Variants in ACSBG2 observed in about 807,000 individuals in gnomAD.
ACSBG2 encodes long-chain-fatty-acid--CoA ligase ACSBG2.
Under a neutral mutation model 74.7 loss-of-function variants are expected in ACSBG2, and 62 were observed. The observed-to-expected ratio is 0.83, with a 90% CI of 0.68 to 1.03. The LOEUF is 1.03. Ranked by LOEUF, ACSBG2 falls within the 50% of genes least tolerant of loss-of-function variation. The probability of loss-of-function intolerance (pLI) is 0.00; values close to 1 mark genes in which losing one functional copy is unlikely to be tolerated. For synonymous variants in ACSBG2, 309 were observed against 294.1 expected, an observed-to-expected ratio of 1.05 and a Z score of -0.52; for missense variants, 730 against 817.6, an observed-to-expected ratio of 0.89 and a Z score of 1.31.
rs561752015 is a variant in ACSBG2 at position 6,154,108 on chromosome 19, T to C, written c.386+2313T>C. 7.2e-5 allele frequency among the ~76,000 whole-genome samples: 11 copies of C among 152,032 alleles called. No individual in the cohort carries two copies. In the South Asian group the frequency reaches 2.3e-3, roughly 32 times the overall value. The stretch of plus-strand genomic sequence containing the variant: ...CCCTGTCTTACAGTGAGTTGAAATA[T>C]ATATATATTTTGAGGCCGGGTGCAG... On this transcript the variant is annotated intron_variant, in intron 4 of 14. Transcript: ENST00000588485.
At position 6,165,894 on chromosome 19, in the gene ACSBG2, G is replaced by C. The variant is rs2089779522; in HGVS notation, c.617G>C (p.Ser206Thr). The change falls in exon 7 of 15, where the codon AGT becomes ACT. Residue 206 changes from serine to threonine, a missense_variant. Transcript: ENST00000588485. ...GATGATTTCATGGAACTTGGCAGAA[G>C]TATCCCTGACACCCAACTGGAGCAG... ...SWDDFMELGR[S>T]IPDTQLEQVI... is the part of the protein sequence containing the mutation. 1 of 1,614,130 alleles carries C rather than the reference G, an allele frequency of 6.2e-7. No individual in the cohort carries two copies. Among genetic ancestry groups the C allele is most frequent in the Non-Finnish European group, 8.5e-7 (1 of 1,180,014 alleles).
chr19:6,171,690 CG>C (rs1030183802), intron 7 of ACSBG2, among the ~76,000 whole-genome samples: 2 of 151,922 alleles, frequency 1.3e-5, no homozygotes, highest in African/African-American at 4.8e-5. Flanking sequence ...CTATATGCCT[CG>C]GGGGTGGCCA....
chr19:6,184,849 A>ACAAAC (rs2090355908), intron 10 of ACSBG2, among the ~76,000 whole-genome samples: 1 of 129,620 alleles, frequency 7.7e-6, no homozygotes, highest in African/African-American at 3.5e-5. Flanking sequence ...AAAAAAAAAA[A>ACAAAC]AAAAAAAAAA....
At chr19:6,168,576 G>T (rs1327762125) in intron 7 of ACSBG2, among the ~76,000 whole-genome samples, 2 of 150,768 alleles carry the variant, frequency 1.3e-5, no homozygotes, top group African/African-American at 4.8e-5. Context: ...TTTGGGAAAT[G>T]AATGAATGAG....
chr19:6,177,764 C>A (rs2090126856), intron 8 of ACSBG2, among the ~76,000 whole-genome samples: 1 of 150,844 alleles, frequency 6.6e-6, no homozygotes, highest in Non-Finnish European at 1.5e-5. Flanking sequence ...AACCAGCTGG[C>A]TACATTCTCC....
intron 5 of ACSBG2, chr19:6,160,515 T>G (rs1327739294): frequency 6.6e-6 from 1 of 152,194 alleles, no homozygotes; most frequent in Non-Finnish European, 1.5e-5. Flanking sequence ...ATGAAGGATT[T>G]TTATTGCCTG....
rs1004352444 is a variant in ACSBG2 at position 6,181,825 on chromosome 19, A to ACC, written c.907-926_907-925insCC. Among the ~76,000 whole-genome samples, 9 of 7,988 alleles carry ACC rather than the reference A, an allele frequency of 1.1e-3. No homozygotes were observed. In the Admixed American group the frequency reaches 0.015, roughly 14 times the overall value. The allele number at this position is 7,988 out of a possible 152,430, so 5.2% of individuals were successfully genotyped here. A position where few individuals can be genotyped will look rare whatever the true frequency, so the allele number is the denominator to read the frequency against. ...ATAGTCCCCACCCGCCCCCCCCCCCAACGAAATTTCCTTGGCATTTTGTTG... is the reference window on the plus strand; with the variant it reads ...ATAGTCCCCACCCGCCCCCCCCCCCACCACGAAATTTCCTTGGCATTTTGTTG... On this transcript the variant is annotated intron_variant, in intron 8 of 14. Transcript: ENST00000588485.
rs771454490 is a variant in ACSBG2 at position 6,166,636 on chromosome 19, G to GTGTTT, written c.738+634_738+638dup. ...CCTACTTTATTTTTCAGTTGTGTGTGTGTTTTGTTTTGTTTTGCTTTTTGA... is the reference window on the plus strand; with the variant it reads ...CCTACTTTATTTTTCAGTTGTGTGTGTGTTTTGTTTTGTTTTGTTTTGCTTTTTGA... On this transcript the variant is annotated intron_variant, in intron 7 of 14. Coordinates refer to ENST00000588485, the MANE Select transcript of ACSBG2 (RefSeq NM_030924.5). Among the ~76,000 whole-genome samples, 10 of 151,686 alleles carry GTGTTT rather than the reference G, an allele frequency of 6.6e-5. No individual in the cohort carries two copies. In the East Asian group the frequency reaches 1.6e-3, roughly 24 times the overall value.
At chr19:6,182,289 CT>C (rs112380849) in intron 8 of ACSBG2, among the ~76,000 whole-genome samples, 10,017 of 151,838 alleles carry the variant, frequency 0.066, 546 homozygotes, top group African/African-American at 0.15. Flanking sequence ...ATCTTGCATC[CT>C]TTTTTAACAG....
chr19:6,182,325 T>C (rs1273594485), intron 8 of ACSBG2, among the ~76,000 whole-genome samples: 1 of 152,180 alleles, frequency 6.6e-6, no homozygotes, highest in African/African-American at 2.4e-5. Flanking sequence ...ACTGCATGCT[T>C]GGACCACAGT....
chr19:6,181,112 T>C (rs1484480659), intron 8 of ACSBG2, among the ~76,000 whole-genome samples: 1 of 146,318 alleles, frequency 6.8e-6, no homozygotes, highest in Non-Finnish European at 1.5e-5. Flanking sequence ...TAAGCCCAGC[T>C]ACTCAGGAGG....
At chr19:6,179,718 C>T (rs987374039) in intron 8 of ACSBG2, among the ~76,000 whole-genome samples, 3 of 152,196 alleles carry the variant, frequency 2.0e-5, no homozygotes, top group Middle Eastern at 3.4e-3. Context: ...CCGGGTTAAA[C>T]GATTCTCATG....
intron 7 of ACSBG2, 120 bp from the exon 8 acceptor site, chr19:6,177,109 T>C: frequency 9.2e-7 from 1 of 1,086,962 alleles, no homozygotes; most frequent in Non-Finnish European, 1.3e-6. Context: ...TGCAGTGAGC[T>C]GTGATCACAC....
In ACSBG2 at chr19:6,180,335, C is replaced by T. The variant is rs1432943682; in HGVS notation, c.907-2416C>T. The stretch of plus-strand genomic sequence containing the variant: ...CAGGCTAAATCTTAGGGCCTTTGCA[C>T]GTGCTTCTAGAAGGTTCTTTCTCTT... On this transcript the variant is annotated intron_variant, in intron 8 of 14. Transcript: ENST00000588485. The surrounding 1 kb of genome is among the most constrained non-coding windows in gnomAD (Gnocchi z 4.3). 6.6e-6 allele frequency among the ~76,000 whole-genome samples: 1 copy of T among 152,190 alleles called. No individual in the cohort carries two copies. The highest frequency in any genetic ancestry group is 1.9e-4 in the East Asian group (1 of 5,192).
At chr19:6,145,079 G>A (rs2088978185) in intron 2 of ACSBG2, among the ~76,000 whole-genome samples, 1 of 152,062 alleles carries the variant, frequency 6.6e-6, no homozygotes, top group Admixed American at 6.6e-5. Context: ...GCCCATCTAT[G>A]AGGCCCATGT....
At chr19:6,162,839 T>G (rs956300484) in intron 6 of ACSBG2, among the ~76,000 whole-genome samples, 1 of 151,606 alleles carries the variant, frequency 6.6e-6, no homozygotes, top group Non-Finnish European at 1.5e-5. Flanking sequence ...CAACCAAAAG[T>G]GTCTCCAGAC....
At chr19:6,163,506 C>T (rs1259972920) in intron 6 of ACSBG2, among the ~76,000 whole-genome samples, 1 of 148,034 alleles carries the variant, frequency 6.8e-6, no homozygotes, top group Non-Finnish European at 1.5e-5. Flanking sequence ...TTTGGGAAGC[C>T]GAGGTGGGTG....
At chr19:6,181,818 C>CCA (rs913620074) in intron 8 of ACSBG2, among the ~76,000 whole-genome samples, 4 of 119,500 alleles carry the variant, frequency 3.3e-5, no homozygotes, top group East Asian at 3.0e-4. Flanking sequence ...CACCCGCCCC[C>CCA]CCCCCCAACG....
At chr19:6,143,992 AGTTAGTTT>A (rs2088939927) in intron 2 of ACSBG2, among the ~76,000 whole-genome samples, 1 of 148,610 alleles carries the variant, frequency 6.7e-6, no homozygotes, top group African/African-American at 2.5e-5. Flanking sequence ...TTTTTTTGTT[AGTTAGTTT>A]GTTTGTTTGG....
Sources: gnomAD v4.1 joint callset for allele counts (sites outside exome capture counted in the v4.1 genomes callset) on GRCh38, gnomAD v4.1.1 for gene constraint, Gnocchi (gnomAD v3.1) non-coding constraint, MANE v1.5 for transcripts, NCBI Gene and HGNC (gene_info 2026-07-23, HGNC 2026-07-21) for gene names.